The following HMCN2 variants were observed in gnomAD, a reference collection of about 807,000 sequenced individuals.
HMCN2 encodes the protein hemicentin-2.
In HMCN2, 325 loss-of-function variants were observed where a neutral mutation model predicts 377.5. That is an observed-to-expected ratio of 0.86 (90% CI 0.79 to 0.94). HMCN2 has a LOEUF of 0.94. Among genes scored for constraint, HMCN2 ranks in the 40% least tolerant of loss-of-function variants. The pLI is 0.00. For missense variants in HMCN2, 4,543 were observed against 4,725.3 expected (o/e 0.96, Z 1.13); for synonymous variants, 2,007 against 2,046.8 (o/e 0.98, Z 0.53).
At position 130,384,715 on chromosome 9, in the gene HMCN2, G is replaced by A. The variant is rs562914861; in HGVS notation, c.9023G>A (p.Arg3008Gln). 1.4e-3 allele frequency: 1,797 copies of A among 1,302,542 alleles called. 1 individual carries two copies. The highest frequency in any genetic ancestry group is 1.7e-3 in the Non-Finnish European group (1,663 of 988,920). The allele number at this position is 1,302,542 out of a possible 1,614,324, so 80.7% of individuals were successfully genotyped here. A position where few individuals can be genotyped will look rare whatever the true frequency, so the allele number is the denominator to read the frequency against. The change falls in exon 59 of 98, where the codon CGG (arginine) becomes CAG (glutamine). Residue 3008 changes from arginine to glutamine, a missense_variant. Physicochemically the swap from Arg to Gln is conservative, Grantham distance 43. This residue lies in a region of HMCN2 where 736 missense variants were observed against 773.2 expected (regional missense o/e 0.95). Coordinates refer to ENST00000683500, the MANE Select transcript of HMCN2 (RefSeq NM_001291815.2). ...CACACGCTGCAGCTGGGGAGAGCAC[G>A]GCTGTCGGACTCCGGGATGTACACA... ...GTHTLQLGRA[R>Q]LSDSGMYTCE...
chr9:130,295,095 A>T (rs2131312622), intron 5 of HMCN2, 69 bp downstream of exon 5: 1 of 356,568 alleles, frequency 2.8e-6, no homozygotes, highest in African/African-American at 2.2e-5. Context: ...GGATGGGACA[A>T]AGAAAGAGAC....
At chr9:130,330,878 C>T (rs1269390153) in intron 22 of HMCN2, among the ~76,000 whole-genome samples, 1 of 151,784 alleles carries the variant, frequency 6.6e-6, no homozygotes, top group Non-Finnish European at 1.5e-5. Flanking sequence ...GCCTGTAATC[C>T]CAGCACTTTG....
rs1191366470 is a variant in HMCN2 at position 130,416,312 on chromosome 9, C to T, written c.12962-2460C>T. On this transcript the variant is annotated intron_variant, in intron 85 of 97. Transcript: ENST00000683500. ...TTGAGACAGGGTTTCACCATGTTGG[C>T]CCGGCTGGTCTCAAACTCCTGACTT... Among the ~76,000 whole-genome samples the T allele has an allele frequency of 2.6e-5, 4 of 152,032 alleles. No homozygotes were observed. The South Asian group carries it at 6.2e-4, about 24-fold the overall frequency.
chr9:130,433,860 A>G lies in HMCN2; in HGVS notation c.*167A>G, dbSNP rs1214110692. ...ACCCTGCGCACAGCCTTGACCCCCG[A>G]CAGCGAGGACCTGACCTCACAGAGG... On this transcript the variant is annotated 3_prime_UTR_variant, in exon 98 of 98. Coordinates refer to ENST00000683500, the MANE Select transcript of HMCN2 (RefSeq NM_001291815.2). 5.0e-6 allele frequency: 3 copies of G among 598,822 alleles called. No homozygotes were observed. In the East Asian group the frequency reaches 1.1e-4, roughly 21 times the overall value. The allele number at this position is 598,822 out of a possible 1,614,324, so 37.1% of individuals were successfully genotyped here. A position where few individuals can be genotyped will look rare whatever the true frequency, so the allele number is the denominator to read the frequency against.
chr9:130,393,689 A>G lies in HMCN2; in HGVS notation c.10235-53A>G. 1 of 1,202,220 alleles carries G rather than the reference A, an allele frequency of 8.3e-7. No individual in the cohort carries two copies. Among genetic ancestry groups the G allele is most frequent in the Non-Finnish European group, 1.1e-6 (1 of 947,174 alleles). The allele number at this position is 1,202,220 out of a possible 1,614,324, so 74.5% of individuals were successfully genotyped here. ...AGGTGATGTCTAAGCTGAGTACTGG[A>G]GATGAGAGTCCTGGAATAAAATGGT... On this transcript the variant is annotated intron_variant, in intron 67 of 97. Transcript: ENST00000683500. This position sits in a 1 kb window ranked among gnomAD's most constrained non-coding sequence, Gnocchi z 5.2.
At chr9:130,290,074 A>G (rs1348712601) in intron 4 of HMCN2, among the ~76,000 whole-genome samples, 1 of 152,192 alleles carries the variant, frequency 6.6e-6, no homozygotes, top group Non-Finnish European at 1.5e-5. Context: ...GGTGACAGAG[A>G]TGAGCCCCAG....
At chr9:130,342,044 TAAATAAATAA>T in intron 24 of HMCN2, among the ~76,000 whole-genome samples, 1 of 149,812 alleles carries the variant, frequency 6.7e-6, no homozygotes, top group South Asian at 2.1e-4. Flanking sequence ...AATAAATAAA[TAAATAAATAA>T]ATAAATAAAA....
At chr9:130,392,771 C>A (rs1361131753) in intron 66 of HMCN2, among the ~76,000 whole-genome samples, 1 of 152,060 alleles carries the variant, frequency 6.6e-6, no homozygotes, top group Non-Finnish European at 1.5e-5. Context: ...CCAAGGCGGG[C>A]AGATTACAAG....
At position 130,407,635 on chromosome 9, in the gene HMCN2, C is replaced by T. The variant is rs935430429; in HGVS notation, c.12618C>T (p.Ser4206=). 8.6e-6 allele frequency: 11 copies of T among 1,285,896 alleles called. No homozygotes were observed. Among genetic ancestry groups the T allele is most frequent in the South Asian group, 5.0e-5 (4 of 80,686 alleles). The allele number at this position is 1,285,896 out of a possible 1,614,324, so 79.7% of individuals were successfully genotyped here. ...LQRAAVSRED[S]GTYVCWAENR... ...GGGCCGCTGTCTCCAGAGAAGACAG[C>T]GGGACCTATGTCTGCTGGGCGGAGA... is the stretch of plus-strand genomic sequence containing the variant. The change falls in exon 83 of 98, where the codon AGC becomes AGT. Residue 4206 remains serine, a synonymous_variant. Coordinates refer to ENST00000683500, the MANE Select transcript of HMCN2 (RefSeq NM_001291815.2).
rs549957924 is a variant in HMCN2 at position 130,369,117 on chromosome 9, A to G, written c.6788-453A>G. Reference sequence around the variant, plus strand: ...TGAGTATTATGTGAAGCTCCTATATATGATGGAAACCTAAAGCCCTATCTA... The same window carrying G: ...TGAGTATTATGTGAAGCTCCTATATGTGATGGAAACCTAAAGCCCTATCTA... On this transcript the variant is annotated intron_variant, in intron 44 of 97. Coordinates refer to ENST00000683500, the MANE Select transcript of HMCN2 (RefSeq NM_001291815.2). This position sits in a 1 kb window ranked among gnomAD's most constrained non-coding sequence, Gnocchi z 4.5. Among the ~76,000 whole-genome samples the G allele has an allele frequency of 5.9e-5, 9 of 152,298 alleles. No homozygotes were observed. The highest frequency in any genetic ancestry group is 1.9e-4 in the African/African-American group (8 of 41,568).
rs1223989770 is a variant in HMCN2 at position 130,301,716 on chromosome 9, C to T, written c.1277-1141C>T. Among the ~76,000 whole-genome samples, 9 of 152,354 alleles carry T rather than the reference C, an allele frequency of 5.9e-5. No individual in the cohort carries two copies. The South Asian group carries it at 1.0e-3, about 18-fold the overall frequency. Reference sequence around the variant, plus strand: ...GCCTTCCCATCCCCAGCCTGGGCTCCGAGGAGGTCTAGTGCATTGTCTCAT... The same window carrying T: ...GCCTTCCCATCCCCAGCCTGGGCTCTGAGGAGGTCTAGTGCATTGTCTCAT... On this transcript the variant is annotated intron_variant, in intron 8 of 97. Coordinates refer to ENST00000683500, the MANE Select transcript of HMCN2 (RefSeq NM_001291815.2).
Position 130,424,825 on chromosome 9 carries a change from C to A in HMCN2, c.13431C>A (p.Ala4477=), listed in dbSNP as rs979275496. 6.5e-7 allele frequency: 1 copy of A among 1,526,848 alleles called. No homozygotes were observed. Among genetic ancestry groups the A allele is most frequent in the Admixed American group, 2.1e-5 (1 of 47,724 alleles). The allele number at this position is 1,526,848 out of a possible 1,614,324, so 94.6% of individuals were successfully genotyped here. ...TCACCATCGCCCCCATCTACTGGGC[C>A]CTGGCCAGAGAGAGTGGGGAAGCCC... ...LVVTIAPIYW[A]LARESGEALN... is the part of the protein sequence containing the mutation. Residue 4477 remains alanine, a synonymous_variant, in exon 88 of 98, where the codon GCC becomes GCA. Coordinates refer to ENST00000683500, the MANE Select transcript of HMCN2 (RefSeq NM_001291815.2).
intron 1 of HMCN2, among the ~76,000 whole-genome samples, chr9:130,269,794 T>G (rs1189532910): frequency 1.3e-4 from 3 of 22,472 alleles, no homozygotes; most frequent in Admixed American, 4.6e-4. Context: ...TGTTATCTGT[T>G]TTTTTTTTTG....
intron 80 of HMCN2, 140 bp from the exon 81 acceptor site, chr9:130,404,729 A>G (rs1843007724): frequency 6.5e-6 from 3 of 462,584 alleles, no homozygotes; most frequent in Non-Finnish European, 1.0e-5. Flanking sequence ...AGCACGGGCA[A>G]TGGCCTATGA....
intron 22 of HMCN2, among the ~76,000 whole-genome samples, chr9:130,328,394 CA>C (rs1469200753): frequency 9.2e-5 from 14 of 152,228 alleles, no homozygotes; most frequent in Non-Finnish European, 1.9e-4. Context: ...TGGTGGCCCT[CA>C]GCTGGAGGAT....
At position 130,364,747 on chromosome 9, in the gene HMCN2, T is replaced by C; in HGVS notation, c.6266T>C (p.Val2089Ala). 4 of 985,980 alleles carry C rather than the reference T, an allele frequency of 4.1e-6. No individual in the cohort carries two copies. Among genetic ancestry groups the C allele is most frequent in the Non-Finnish European group, 4.8e-6 (4 of 830,032 alleles). 61.1% of individuals were successfully genotyped at this position (985,980 alleles called of 1,614,324 possible). A position where few individuals can be genotyped will look rare whatever the true frequency, so the allele number is the denominator to read the frequency against. The change falls in exon 41 of 98, where the codon GTG becomes GCG. Residue 2089 changes from valine to alanine, a missense_variant. Val to Ala is a moderately conservative substitution (Grantham distance 64). Transcript: ENST00000683500. The part of the protein sequence containing the change: ...PPSILGEELN[V>A]SVVANESVAL... ...AGTATCCTTGGAGAAGAGCTGAATGTGTCCGTTGTGGCCAATGAGTCAGTG... is the reference window on the plus strand; with the variant it reads ...AGTATCCTTGGAGAAGAGCTGAATGCGTCCGTTGTGGCCAATGAGTCAGTG...
In HMCN2 at chr9:130,391,648, G is replaced by C. The variant is rs529406949; in HGVS notation, c.9952+74G>C. The C allele has an allele frequency of 9.1e-6, 9 of 983,680 alleles. No individual in the cohort carries two copies. In the South Asian group the frequency reaches 3.3e-4, roughly 36 times the overall value. The allele number at this position is 983,680 out of a possible 1,614,324, so 60.9% of individuals were successfully genotyped here. A position where few individuals can be genotyped will look rare whatever the true frequency, so the allele number is the denominator to read the frequency against. ...GGAGATAAGGCGACATGTGAGCAAA[G>C]CCCACACTGTGTCCTGGGCCACGGG... is the stretch of plus-strand genomic sequence containing the variant. On this transcript the variant is annotated intron_variant, in intron 65 of 97. Coordinates refer to ENST00000683500, the MANE Select transcript of HMCN2 (RefSeq NM_001291815.2).
chr9:130,318,210 C>T (rs924830726), intron 15 of HMCN2, among the ~76,000 whole-genome samples: 34 of 152,162 alleles, frequency 2.2e-4, no homozygotes, highest in African/African-American at 8.2e-4. Flanking sequence ...TTTATATCTG[C>T]CTGGAACTTC....
chr9:130,416,559 A>C (rs780946791), intron 85 of HMCN2, among the ~76,000 whole-genome samples: 5 of 152,204 alleles, frequency 3.3e-5, no homozygotes, highest in African/African-American at 1.2e-4. Context: ...GATGTACCAC[A>C]GTTTATTCAT....
Sources: allele counts gnomAD v4.1 joint callset (sites outside exome capture counted in the v4.1 genomes callset), GRCh38; gene constraint gnomAD v4.1.1; regional missense constraint gnomAD v4.1.1; non-coding constraint Gnocchi (gnomAD v3.1); transcripts MANE v1.5; gene names NCBI Gene and HGNC (gene_info 2026-07-23, HGNC 2026-07-21).